KCNIP4: variants seen among roughly 807,000 people sequenced by gnomAD.
KCNIP4 encodes Kv channel-interacting protein 4.
In KCNIP4, 12 loss-of-function variants were observed where a neutral mutation model predicts 34.0. That is an observed-to-expected ratio of 0.35 (90% CI 0.23 to 0.57). The LOEUF (loss-of-function observed/expected upper bound fraction) is 0.57. Ranked by LOEUF, KCNIP4 falls within the 20% of genes least tolerant of loss-of-function variation. The probability of loss-of-function intolerance (pLI) is 0.83; values close to 1 mark genes in which losing one functional copy is unlikely to be tolerated. For missense variants in KCNIP4, 238 were observed against 311.7 expected (o/e 0.76, Z 1.78); for synonymous variants, 124 against 102.2 (o/e 1.21, Z -1.29).
At chr4:21,511,900 T>C (rs529405779) in intron 1 of KCNIP4, among the ~76,000 whole-genome samples, 2 of 152,160 alleles carry the variant, frequency 1.3e-5, no homozygotes, top group Admixed American at 1.3e-4. Flanking sequence ...TTTGATTTTG[T>C]GTTAATAATA....
chr4:20,938,329 G>A (rs907183656), intron 1 of KCNIP4, among the ~76,000 whole-genome samples: 8 of 151,776 alleles, frequency 5.3e-5, no homozygotes, highest in Admixed American at 2.6e-4. Context: ...GGCTGACTCA[G>A]AGACCAGCTA....
chr4:21,728,519 T>A (rs181786587), intron 1 of KCNIP4, among the ~76,000 whole-genome samples: 5 of 152,330 alleles, frequency 3.3e-5, no homozygotes, highest in Non-Finnish European at 5.9e-5. Flanking sequence ...CTAGTCTTAA[T>A]GCAATAACCA....
chr4:21,465,458 T>C (rs1729837598), intron 1 of KCNIP4, among the ~76,000 whole-genome samples: 1 of 152,128 alleles, frequency 6.6e-6, no homozygotes, highest in South Asian at 2.1e-4. Context: ...AATAACTGAG[T>C]CTACAAACTC....
At chr4:21,023,939 A>G (rs1740308944) in intron 1 of KCNIP4, among the ~76,000 whole-genome samples, 1 of 152,138 alleles carries the variant, frequency 6.6e-6, no homozygotes, top group South Asian at 2.1e-4. Context: ...CAGTAGGATG[A>G]CCATAATGAG....
At chr4:21,348,788 T>A (rs1009702505) in intron 1 of KCNIP4, among the ~76,000 whole-genome samples, 3 of 152,184 alleles carry the variant, frequency 2.0e-5, no homozygotes, top group Non-Finnish European at 4.4e-5. Flanking sequence ...ACTTTTACCA[T>A]CTGGCCTATG....
intron 1 of KCNIP4, among the ~76,000 whole-genome samples, chr4:21,888,248 C>T (rs1726897541): frequency 6.6e-6 from 1 of 152,216 alleles, no homozygotes; most frequent in East Asian, 1.9e-4. Context: ...AACACTCTGA[C>T]TCATACACAG....
Position 21,196,482 on chromosome 4 carries a change from G to T in KCNIP4, c.62-313773C>A, listed in dbSNP as rs148398349. 5.7e-3 allele frequency among the ~76,000 whole-genome samples: 869 copies of T among 152,220 alleles called. 12 individuals carry two copies. Among genetic ancestry groups the T allele is most frequent in the African/African-American group, 0.02 (823 of 41,542 alleles). On this transcript the variant is annotated intron_variant, in intron 1 of 8. Transcript: ENST00000382152. ...ATTTTTATCATTTACTTTACACCAT[G>T]CAGATGCCTCATCTTAGCAAGACTT...
intron 2 of KCNIP4, among the ~76,000 whole-genome samples, chr4:20,879,015 A>G (rs1724382021): frequency 6.6e-6 from 1 of 152,142 alleles, no homozygotes; most frequent in Non-Finnish European, 1.5e-5. Context: ...GATGCCAATG[A>G]ATGATATAAG....
At chr4:21,183,126 C>T (rs938429356) in intron 1 of KCNIP4, among the ~76,000 whole-genome samples, 1 of 152,138 alleles carries the variant, frequency 6.6e-6, no homozygotes. Flanking sequence ...GTGTGCCTGG[C>T]TTCTTTCACT....
chr4:21,080,720 CTTTA>C (rs1299805369), intron 1 of KCNIP4, among the ~76,000 whole-genome samples: 2 of 89,274 alleles, frequency 2.2e-5, no homozygotes, highest in Non-Finnish European at 5.1e-5. Context: ...TATATATTTA[CTTTA>C]TTTATTCTAA....
intron 1 of KCNIP4, among the ~76,000 whole-genome samples, chr4:21,720,260 T>C (rs1009914746): frequency 1.3e-5 from 2 of 151,866 alleles, no homozygotes; most frequent in African/African-American, 2.4e-5. Context: ...CCATCATAAG[T>C]ACAGTACATA....
chr4:21,797,145 CTATT>C (rs1030856703), intron 1 of KCNIP4, among the ~76,000 whole-genome samples: 1 of 151,834 alleles, frequency 6.6e-6, no homozygotes. Flanking sequence ...CTCATTAATT[CTATT>C]TATTTATTTA....
At chr4:20,991,572 T>C (rs996490991) in intron 1 of KCNIP4, among the ~76,000 whole-genome samples, 2 of 152,126 alleles carry the variant, frequency 1.3e-5, no homozygotes, top group African/African-American at 2.4e-5. Context: ...GGAGACGTGA[T>C]CTAAAATGAA....
intron 1 of KCNIP4, among the ~76,000 whole-genome samples, chr4:21,573,163 G>A (rs1740486064): frequency 6.6e-6 from 1 of 152,126 alleles, no homozygotes; most frequent in Non-Finnish European, 1.5e-5. Context: ...ATTAGTAGCA[G>A]CAACAATAAT....
chr4:21,709,090 A>G (rs1713511067), intron 1 of KCNIP4, among the ~76,000 whole-genome samples: 2 of 152,162 alleles, frequency 1.3e-5, no homozygotes, highest in Admixed American at 1.3e-4. Context: ...AGGGAGAGGC[A>G]CAGAACTTTC....
intron 1 of KCNIP4, among the ~76,000 whole-genome samples, chr4:21,377,243 C>A (rs1444504186): frequency 2.0e-5 from 3 of 152,136 alleles, no homozygotes; most frequent in African/African-American, 4.8e-5. Context: ...GCTAGAGCTT[C>A]CATGGTAACC....
intron 1 of KCNIP4, among the ~76,000 whole-genome samples, chr4:21,460,119 G>A (rs1007638525): frequency 7.1e-6 from 1 of 140,758 alleles, no homozygotes; most frequent in Non-Finnish European, 1.6e-5. Context: ...CATCTCTTGT[G>A]TTTTATTTTC....
At chr4:21,483,089 A>AG (rs1313804728) in intron 1 of KCNIP4, among the ~76,000 whole-genome samples, 2 of 44,952 alleles carry the variant, frequency 4.4e-5, no homozygotes, top group Non-Finnish European at 8.1e-5. Context: ...GGGGTGGGGG[A>AG]GGGGGGAGGG....
intron 1 of KCNIP4, among the ~76,000 whole-genome samples, chr4:21,085,630 G>C (rs1329058953): frequency 6.6e-6 from 1 of 152,162 alleles, no homozygotes; most frequent in Non-Finnish European, 1.5e-5. Flanking sequence ...TATCTGATTA[G>C]TTGGTTTGGG....
Sources: gnomAD v4.1 joint callset for allele counts (sites outside exome capture counted in the v4.1 genomes callset) on GRCh38, gnomAD v4.1.1 for gene constraint, MANE v1.5 for transcripts, NCBI Gene and HGNC (gene_info 2026-07-23, HGNC 2026-07-21) for gene names.